Variants in SLC25A53 observed in about 807,000 individuals in gnomAD.
SLC25A53 encodes the protein solute carrier family 25 member 53.
In SLC25A53, 5 loss-of-function variants were observed where a neutral mutation model predicts 15.0. The observed-to-expected ratio is 0.33, with a 90% CI of 0.17 to 0.70. SLC25A53 has a LOEUF of 0.70. SLC25A53 is among the 30% of genes least tolerant of loss of function. SLC25A53 has a pLI of 0.67. For synonymous variants in SLC25A53, 95 were observed against 100.0 expected, an observed-to-expected ratio of 0.95 and a Z score of 0.30; for missense variants, 216 against 241.6, an observed-to-expected ratio of 0.89 and a Z score of 0.70.
At chrX:104,128,325 C>T (rs2075416788) in intron 1 of SLC25A53, among the ~76,000 whole-genome samples, 1 of 111,384 alleles carries the variant, frequency 9.0e-6, no homozygotes, top group African/African-American at 3.3e-5. Context: ...TATTAGAAAT[C>T]AAAACTGAAA....
intron 1 of SLC25A53, among the ~76,000 whole-genome samples, chrX:104,141,589 A>G: frequency 9.0e-6 from 1 of 111,629 alleles, no homozygotes; most frequent in Non-Finnish European, 1.9e-5. Flanking sequence ...TTCCAACAGT[A>G]CAAGGACTTC....
At chrX:104,112,798 A>G (rs1360311028) in intron 1 of SLC25A53, 1 of 112,453 alleles carries the variant, frequency 8.9e-6, no homozygotes, top group Non-Finnish European at 1.9e-5. Context: ...CCAGTGGAGC[A>G]CAAGTAAAGA....
intron 1 of SLC25A53, among the ~76,000 whole-genome samples, chrX:104,154,330 G>A (rs1238089592): frequency 3.6e-5 from 4 of 112,101 alleles, no homozygotes; most frequent in African/African-American, 3.2e-5. Flanking sequence ...TCAAAAAGGT[G>A]AAAGATAACA....
intron 1 of SLC25A53, among the ~76,000 whole-genome samples, chrX:104,128,577 T>C (rs914106811): frequency 3.6e-5 from 4 of 111,845 alleles, no homozygotes; most frequent in African/African-American, 1.3e-4. Flanking sequence ...CATGGAGATA[T>C]GTAGTTGGAA....
At position 104,104,754 on chromosome X, in the gene SLC25A53, C is replaced by T; in HGVS notation, c.504G>A (p.Gly168=). The change falls in exon 2 of 2, where the codon GGG becomes GGA. Residue 168 remains glycine, a synonymous_variant. Transcript: ENST00000594199. The part of the protein sequence containing the change: ...LKEFNSYGLW[G]RLSLGYYRGF... ...CACGATAGTAGCCCAGTGACAGCCG[C>T]CCCCAAAGCCCATAAGAATTGAATT... 1 of 1,211,566 alleles carries T rather than the reference C, an allele frequency of 8.3e-7. No individual in the cohort carries two copies. Among genetic ancestry groups the T allele is most frequent in the Non-Finnish European group, 1.1e-6 (1 of 895,487 alleles).
chrX:104,153,905 G>A (rs782072398), intron 1 of SLC25A53, among the ~76,000 whole-genome samples: 1 of 112,066 alleles, frequency 8.9e-6, no homozygotes, highest in African/African-American at 3.2e-5. Flanking sequence ...AAAACCTAGG[G>A]AAGAAACTAC....
chrX:104,147,709 A>G (rs1342013829), intron 1 of SLC25A53, among the ~76,000 whole-genome samples: 1 of 112,000 alleles, frequency 8.9e-6, no homozygotes, highest in Non-Finnish European at 1.9e-5. Flanking sequence ...ACTGCTCACC[A>G]TCACTGGCCA....
chrX:104,151,315 T>C (rs1347477518), intron 1 of SLC25A53, among the ~76,000 whole-genome samples: 1 of 111,589 alleles, frequency 9.0e-6, no homozygotes, highest in Non-Finnish European at 1.9e-5. Flanking sequence ...GCATAGGACA[T>C]CTCAGTTGCA....
chrX:104,128,142 A>T (rs1428277119), intron 1 of SLC25A53, among the ~76,000 whole-genome samples: 1 of 111,690 alleles, frequency 9.0e-6, no homozygotes, highest in Non-Finnish European at 1.9e-5. Context: ...CAGTGCTAAA[A>T]AGAAGTGTAT....
intron 1 of SLC25A53, among the ~76,000 whole-genome samples, chrX:104,105,983 A>G (rs1159697307): frequency 8.9e-6 from 1 of 111,843 alleles, no homozygotes; most frequent in Non-Finnish European, 1.9e-5. Context: ...TGCTATTGAC[A>G]TTTTGGGCAG....
chrX:104,123,973 T>C (rs1294266093), intron 1 of SLC25A53, among the ~76,000 whole-genome samples: 1 of 111,965 alleles, frequency 8.9e-6, no homozygotes, highest in African/African-American at 3.2e-5. Flanking sequence ...TGATGAGCAT[T>C]TGGGTCAGTT....
At chrX:104,109,542 C>A (rs1408552862) in intron 1 of SLC25A53, among the ~76,000 whole-genome samples, 2 of 112,193 alleles carry the variant, frequency 1.8e-5, no homozygotes, top group African/African-American at 3.2e-5. Context: ...GGCAAGATAA[C>A]AATTAAATTG....
intron 1 of SLC25A53, among the ~76,000 whole-genome samples, chrX:104,135,042 A>G (rs1382921743): frequency 1.8e-5 from 2 of 110,885 alleles, no homozygotes; most frequent in African/African-American, 6.6e-5. Flanking sequence ...ACCTGCCTCT[A>G]AAGTACTAAC....
intron 1 of SLC25A53, among the ~76,000 whole-genome samples, chrX:104,116,632 G>C (rs1189890543): frequency 2.7e-5 from 3 of 111,247 alleles, no homozygotes; most frequent in African/African-American, 6.6e-5. Flanking sequence ...TATGTTGTAG[G>C]GGGAGTGGAG....
rs1174335728 is a variant in SLC25A53 at position 104,099,754 on chromosome X, T to C, written c.*4580A>G. The C allele has an allele frequency of 1.8e-5, 2 of 111,447 alleles. No homozygotes were observed. The highest frequency in any genetic ancestry group is 9.5e-5 in the Admixed American group (1 of 10,485). The allele number at this position is 111,447 out of a possible 1,213,427, so 9.2% of individuals were successfully genotyped here. On this transcript the variant is annotated 3_prime_UTR_variant, in exon 2 of 2. Coordinates refer to ENST00000594199, the MANE Select transcript of SLC25A53 (RefSeq NM_001012755.5). ...AAGATGGAGGGAGCGGTGTCATCAG[T>C]GGTGGGGGGAGAAGAGTAGGTTATT...
rs782705710 is a variant in SLC25A53 at position 104,137,407 on chromosome X, T to C, written c.-32+19471A>G. On this transcript the variant is annotated intron_variant, in intron 1 of 1. Transcript: ENST00000594199. ...CTGGAGATACGCTCTGCTTGATCCC[T>C]GCCTCTACTGTAGCCCTGCACCCCC... Among the ~76,000 whole-genome samples, 350 of 110,740 alleles carry C rather than the reference T, an allele frequency of 3.2e-3. 5 individuals are homozygous for C. The highest frequency in any genetic ancestry group is 0.023 in the Middle Eastern group (5 of 218).
intron 1 of SLC25A53, among the ~76,000 whole-genome samples, chrX:104,125,228 C>T (rs957088325): frequency 1.9e-5 from 2 of 107,075 alleles, no homozygotes; most frequent in Non-Finnish European, 3.9e-5. Context: ...GGGGTGTGTT[C>T]TTCGGCTTTT....
chrX:104,105,769 A>G (rs1367687566), intron 1 of SLC25A53, among the ~76,000 whole-genome samples: 1 of 111,638 alleles, frequency 9.0e-6, no homozygotes, highest in Non-Finnish European at 1.9e-5. Context: ...GGGAGGGGGA[A>G]TCTCCCCTCG....
In SLC25A53 at chrX:104,104,982, C is replaced by T. The variant is rs2075300855; in HGVS notation, c.276G>A (p.Gly92=). ...TATCATAAGTCCCAAACAGAAGAGTCCCTTGCAACGTCTTGGAGAGAAGAG... is the reference window on the plus strand; with the variant it reads ...TATCATAAGTCCCAAACAGAAGAGTTCCTTGCAACGTCTTGGAGAGAAGAG... The part of the protein sequence containing the change: ...YPPLLSKTLQ[G]TLLFGTYDSL... The change falls in exon 2 of 2, where the codon GGG becomes GGA. Residue 92 remains glycine (G), a synonymous_variant. Coordinates refer to ENST00000594199, the MANE Select transcript of SLC25A53 (RefSeq NM_001012755.5). The T allele has an allele frequency of 3.3e-6, 4 of 1,211,518 alleles. No individual in the cohort carries two copies. The highest frequency in any genetic ancestry group is 4.5e-6 in the Non-Finnish European group (4 of 895,513).
Sources: allele counts gnomAD v4.1 joint callset (sites outside exome capture counted in the v4.1 genomes callset), GRCh38; gene constraint gnomAD v4.1.1; transcripts MANE v1.5; gene names NCBI Gene and HGNC (gene_info 2026-07-23, HGNC 2026-07-21).